Variants in STARD4 observed in about 807,000 individuals in gnomAD.
STARD4 encodes the protein StAR related lipid transfer domain containing 4.
Under a neutral mutation model 24.9 loss-of-function variants are expected in STARD4, and 33 were observed. That is an observed-to-expected ratio of 1.32 (90% CI 1.00 to 1.77). The LOEUF (loss-of-function observed/expected upper bound fraction) is 1.77, where lower values mean the gene tolerates loss of function less well. Among genes scored for constraint, STARD4 ranks in the 40% most tolerant of loss-of-function variants. The probability of loss-of-function intolerance (pLI) is 0.00; values close to 1 mark genes in which losing one functional copy is unlikely to be tolerated. For synonymous variants in STARD4, 88 were observed against 77.4 expected, an observed-to-expected ratio of 1.14 and a Z score of -0.72; for missense variants, 238 against 249.3, an observed-to-expected ratio of 0.95 and a Z score of 0.31.
chr5:111,501,195 A>G, intron 4 of STARD4, 79 bp from the exon 5 acceptor site: 1 of 1,346,606 alleles, frequency 7.4e-7, no homozygotes, highest in Non-Finnish European at 1.0e-6. Flanking sequence ...TTATCTCTGG[A>G]AAGAAACTAA....
rs1015815553 is a variant in STARD4 at position 111,501,219 on chromosome 5, T to G, written c.283-103A>C. The G allele has an allele frequency of 2.5e-6, 3 of 1,196,348 alleles. No individual in the cohort carries two copies. The African/African-American group carries it at 4.7e-5, about 19-fold the overall frequency. The allele number at this position is 1,196,348 out of a possible 1,614,324, so 74.1% of individuals were successfully genotyped here. A position where few individuals can be genotyped will look rare whatever the true frequency, so the allele number is the denominator to read the frequency against. On this transcript the variant is annotated intron_variant, in intron 4 of 5. Coordinates refer to ENST00000296632, the MANE Select transcript of STARD4 (RefSeq NM_139164.3). ...GAAAGAAACTAATATTTATTTAAAATGTTTCATAATTATAATAATTCTTAC... is the reference window on the plus strand; with the variant it reads ...GAAAGAAACTAATATTTATTTAAAAGGTTTCATAATTATAATAATTCTTAC...
At chr5:111,511,290 A>T (rs181889504) in intron 1 of STARD4, among the ~76,000 whole-genome samples, 281 of 149,496 alleles carry the variant, frequency 1.9e-3, no homozygotes, top group African/African-American at 4.8e-3. Context: ...ATACTTGATT[A>T]AAAAAAAAAC....
At position 111,509,551 on chromosome 5, in the gene STARD4, C is replaced by G. The variant is rs567370545; in HGVS notation, c.-9-2109G>C. ...TTTCCACTTATCTTTCCTGGATTCC[C>G]CTGAACCTGGGTTAGTTCCCCCTCC... On this transcript the variant is annotated intron_variant, in intron 1 of 5. Coordinates refer to ENST00000296632, the MANE Select transcript of STARD4 (RefSeq NM_139164.3). Among the ~76,000 whole-genome samples the G allele has an allele frequency of 8.5e-5, 13 of 152,176 alleles. No individual in the cohort carries two copies. The South Asian group carries it at 2.5e-3, about 29-fold the overall frequency.
chr5:111,505,191 T>C (rs56273825), intron 3 of STARD4: 6,216 of 328,580 alleles, frequency 0.019, 78 homozygotes, highest in Middle Eastern at 0.044. Flanking sequence ...CTATGAAGTC[T>C]TTTCAGATCT....
chr5:111,504,284 T>C (rs1272901440), intron 3 of STARD4, among the ~76,000 whole-genome samples: 1 of 152,142 alleles, frequency 6.6e-6, no homozygotes, highest in Non-Finnish European at 1.5e-5. Flanking sequence ...AATAGGTGAA[T>C]CTACAAACAT....
intron 3 of STARD4, 132 bp downstream of exon 3, chr5:111,506,193 CAAAAA>C: frequency 1.5e-3 from 125 of 81,240 alleles, no homozygotes; most frequent in Middle Eastern, 0.013. Flanking sequence ...GACTCTGTCT[CAAAAA>C]AAAAAAAAAA....
rs557951345 is a variant in STARD4 at position 111,500,234 on chromosome 5, A to G, written c.398-128T>C. 7.3e-6 allele frequency: 10 copies of G among 1,379,062 alleles called. No homozygotes were observed. The Admixed American group carries it at 2.2e-4, about 31-fold the overall frequency. 85.4% of individuals were successfully genotyped at this position (1,379,062 alleles called of 1,614,324 possible). On this transcript the variant is annotated intron_variant, in intron 5 of 5. Transcript: ENST00000296632. ...CCATATAGATGAAAATTAAATCCCA[A>G]AGTGACCATGGCAGAGTGAAAAAGA...
rs143621488 is a variant in STARD4, at chr5:111,497,593, T to C, written c.*2293A>G. 9 of 152,190 alleles carry C rather than the reference T, an allele frequency of 5.9e-5. No homozygotes were observed. The highest frequency in any genetic ancestry group is 1.9e-4 in the East Asian group (1 of 5,186). 9.4% of individuals were successfully genotyped at this position (152,190 alleles called of 1,614,324 possible). A position where few individuals can be genotyped will look rare whatever the true frequency, so the allele number is the denominator to read the frequency against. On this transcript the variant is annotated 3_prime_UTR_variant, in exon 6 of 6. Transcript: ENST00000296632. ...TTAAAATGATAACATTTTGGATGTA[T>C]TGAGTTAAATAAAATATTAAAATTA...
rs1757390700 is a variant in STARD4, at chr5:111,512,430, T to C, written c.-55A>G. ...GGACGTGGAAGCAGCTACGGCGCGC[T>C]ACCAAGCACCTCACACCGCTCTCAA... On this transcript the variant is annotated 5_prime_UTR_variant, in exon 1 of 6. Coordinates refer to ENST00000296632, the MANE Select transcript of STARD4 (RefSeq NM_139164.3). 6.6e-6 allele frequency: 1 copy of C among 152,376 alleles called. No individual in the cohort carries two copies. Among genetic ancestry groups the C allele is most frequent in the African/African-American group, 2.4e-5 (1 of 41,460 alleles). 9.4% of individuals were successfully genotyped at this position (152,376 alleles called of 1,614,324 possible).
intron 5 of STARD4, 37 bp downstream of exon 5, chr5:111,500,965 C>T (rs1206141338): frequency 1.9e-6 from 3 of 1,612,618 alleles, no homozygotes; most frequent in Non-Finnish European, 2.5e-6. Context: ...ATATTTAAAC[C>T]ATACTGAAAA....
rs762552269 is a variant in STARD4, at chr5:111,501,132, TAAGAC to T, written c.283-21_283-17del. ...CACAGCAATTCTGAAAAAGAAGAGA[TAAGAC>T]AAGTGTTACTACTATAGGAAACATA... On this transcript the variant is annotated splice_polypyrimidine_tract_variant and intron_variant, in intron 4 of 5. Coordinates refer to ENST00000296632, the MANE Select transcript of STARD4 (RefSeq NM_139164.3). 3.8e-6 allele frequency: 6 copies of T among 1,583,670 alleles called. No homozygotes were observed. In the East Asian group the frequency reaches 6.7e-5, roughly 18 times the overall value.
chr5:111,504,230 T>C (rs1756677931), intron 3 of STARD4, among the ~76,000 whole-genome samples: 1 of 152,218 alleles, frequency 6.6e-6, no homozygotes, highest in South Asian at 2.1e-4. Flanking sequence ...TACTATCGCA[T>C]TGTACTTTAT....
chr5:111,507,311 G>A lies in STARD4; in HGVS notation c.105+18C>T, dbSNP rs764705422. On this transcript the variant is annotated intron_variant, in intron 2 of 5. Coordinates refer to ENST00000296632, the MANE Select transcript of STARD4 (RefSeq NM_139164.3). This position sits in a 1 kb window ranked among gnomAD's most constrained non-coding sequence, Gnocchi z 4.4. ...GATAGAAGATATACCCCAAATATAA[G>A]TAATTGAACTAATTTACCGTTTTCT... is the stretch of plus-strand genomic sequence containing the variant. The A allele has an allele frequency of 1.3e-6, 2 of 1,592,442 alleles. No individual in the cohort carries two copies. The highest frequency in any genetic ancestry group is 1.7e-6 in the Non-Finnish European group (2 of 1,163,112).
At position 111,502,477 on chromosome 5, in the gene STARD4, A is replaced by T. The variant is rs1756533647; in HGVS notation, c.156-389T>A. On this transcript the variant is annotated intron_variant, in intron 3 of 5. Transcript: ENST00000296632. ...GAGTGAGATTCCATCTCAAAAAAAA[A>T]ATAAAAATAAAAGAATAAAAATTAG... Among the ~76,000 whole-genome samples, 15 of 151,708 alleles carry T rather than the reference A, an allele frequency of 9.9e-5. 1 individual carries two copies. The South Asian group carries it at 3.1e-3, about 32-fold the overall frequency.
chr5:111,505,686 T>C (rs944378474), intron 3 of STARD4, among the ~76,000 whole-genome samples: 13 of 152,142 alleles, frequency 8.5e-5, no homozygotes, highest in Admixed American at 8.5e-4. Context: ...ACTGTTATCT[T>C]TCTGATAAAT....
intron 5 of STARD4, 193 bp downstream of exon 5, chr5:111,500,809 A>T (rs1170073777): frequency 4.0e-6 from 6 of 1,484,546 alleles, no homozygotes; most frequent in Non-Finnish European, 4.4e-6. Flanking sequence ...CTGGGAACAA[A>T]AACTTATCAG....
intron 5 of STARD4, chr5:111,500,793 G>A: frequency 1.4e-6 from 2 of 1,470,042 alleles, no homozygotes; most frequent in Non-Finnish European, 8.9e-7. Flanking sequence ...AGAGGATACT[G>A]TGTAACTGGG....
rs1377103666 is a variant in STARD4, at chr5:111,497,019, C to CTT, written c.*2865_*2866dup. 1 of 151,760 alleles carries CTT rather than the reference C, an allele frequency of 6.6e-6. No individual in the cohort carries two copies. Among genetic ancestry groups the CTT allele is most frequent in the Non-Finnish European group, 1.5e-5 (1 of 67,866 alleles). 9.4% of individuals were successfully genotyped at this position (151,760 alleles called of 1,614,324 possible). A position where few individuals can be genotyped will look rare whatever the true frequency, so the allele number is the denominator to read the frequency against. ...ACTAATATTTCATGCAAAAGTATCA[C>CTT]TTTTATAATAATCTTTTTCTTGTAT... is the stretch of plus-strand genomic sequence containing the variant. On this transcript the variant is annotated 3_prime_UTR_variant, in exon 6 of 6. Coordinates refer to ENST00000296632, the MANE Select transcript of STARD4 (RefSeq NM_139164.3).
At chr5:111,500,165 T>C in intron 5 of STARD4, 59 bp from the exon 6 acceptor site, 1 of 1,450,716 alleles carries the variant, frequency 6.9e-7, no homozygotes. Context: ...AAAACTCTCA[T>C]TTTAAAATAT....
Sources: allele counts gnomAD v4.1 joint callset (sites outside exome capture counted in the v4.1 genomes callset), GRCh38; gene constraint gnomAD v4.1.1; non-coding constraint Gnocchi (gnomAD v3.1); transcripts MANE v1.5; gene names NCBI Gene and HGNC (gene_info 2026-07-23, HGNC 2026-07-21).